RAB27B: variants seen among roughly 807,000 people sequenced by gnomAD.
The protein encoded by RAB27B is ras-related protein Rab-27B.
A neutral mutation model predicts 24.6 loss-of-function variants in RAB27B; 15 were observed. That is an observed-to-expected ratio of 0.61 (90% confidence interval 0.41 to 0.94). RAB27B has a LOEUF of 0.94. Ranked by LOEUF, RAB27B falls within the 40% of genes least tolerant of loss-of-function variation. The pLI, the probability that RAB27B is intolerant of heterozygous loss-of-function variation, is 0.00. For synonymous variants in RAB27B, 105 were observed against 92.5 expected (o/e 1.14, Z -0.78); for missense variants, 261 against 266.8 (o/e 0.98, Z 0.15).
intron 1 of RAB27B, among the ~76,000 whole-genome samples, chr18:54,861,835 T>C (rs562021899): frequency 3.2e-4 from 48 of 152,312 alleles, no homozygotes; most frequent in Admixed American, 7.8e-4. Context: ...CCTGTCTTGG[T>C]GACTGATCTC....
chr18:54,799,684 C>CA (rs948617591), intron 2 of RAB27B, among the ~76,000 whole-genome samples: 4 of 124,942 alleles, frequency 3.2e-5, no homozygotes, highest in Non-Finnish European at 6.2e-5. Flanking sequence ...GGCTGGAGTG[C>CA]AGTGGCGTGA....
chr18:54,795,604 A>G (rs1217413928), intron 2 of RAB27B, among the ~76,000 whole-genome samples: 1 of 152,212 alleles, frequency 6.6e-6, no homozygotes, highest in Non-Finnish European at 1.5e-5. Flanking sequence ...GCTGGAAGTG[A>G]TGATCTAGTA....
intron 1 of RAB27B, among the ~76,000 whole-genome samples, chr18:54,829,071 T>G (rs758338400): frequency 6.6e-6 from 1 of 152,244 alleles, no homozygotes; most frequent in Non-Finnish European, 1.5e-5. Context: ...GATGATGATG[T>G]GCTCAGAGTT....
At chr18:54,886,263 G>A (rs1913131609) in intron 4 of RAB27B, among the ~76,000 whole-genome samples, 1 of 151,980 alleles carries the variant, frequency 6.6e-6, no homozygotes, top group Non-Finnish European at 1.5e-5. Context: ...ATGTATTTTT[G>A]GTTTACTTGT....
intron 2 of RAB27B, among the ~76,000 whole-genome samples, chr18:54,777,909 T>G (rs1408972973): frequency 6.6e-6 from 1 of 152,120 alleles, no homozygotes; most frequent in East Asian, 1.9e-4. Context: ...TGCTCTTAAT[T>G]TAGCTCTTAC....
intron 2 of RAB27B, among the ~76,000 whole-genome samples, chr18:54,809,353 G>GCTACCC (rs2145146349): frequency 6.6e-6 from 1 of 152,280 alleles, no homozygotes; most frequent in Non-Finnish European, 1.5e-5. Context: ...CTGAAGAGCT[G>GCTACCC]CTACCCCTAT....
chr18:54,752,684 G>T (rs537670274), intron 2 of RAB27B, among the ~76,000 whole-genome samples: 8 of 152,216 alleles, frequency 5.3e-5, no homozygotes, highest in Non-Finnish European at 8.8e-5. Context: ...AGGCAGCCTA[G>T]AAGTTTCTGT....
At chr18:54,831,109 G>A (rs1167257771) in intron 1 of RAB27B, among the ~76,000 whole-genome samples, 1 of 152,180 alleles carries the variant, frequency 6.6e-6, no homozygotes, top group African/African-American at 2.4e-5. Context: ...GTAGCAAGAA[G>A]TGCTCAGCAG....
At chr18:54,841,325 C>T (rs1018822429) in intron 1 of RAB27B, among the ~76,000 whole-genome samples, 2 of 151,968 alleles carry the variant, frequency 1.3e-5, no homozygotes, top group Non-Finnish European at 2.9e-5. Context: ...CTCATTATTC[C>T]CTAAACAATA....
At chr18:54,823,927 T>C (rs1910390076), upstream of RAB27B, among the ~76,000 whole-genome samples, 1 of 152,208 alleles carries the variant, frequency 6.6e-6, no homozygotes, top group Non-Finnish European at 1.5e-5. Context: ...GCAGATCGCC[T>C]CCTAAGCCCT....
intron 1 of RAB27B, among the ~76,000 whole-genome samples, chr18:54,832,320 A>T (rs1422393623): frequency 2.0e-5 from 3 of 152,196 alleles, no homozygotes; most frequent in Admixed American, 6.5e-5. Flanking sequence ...GAACCAAATG[A>T]TCAACAGGAT....
chr18:54,873,320 G>A (rs527852819), intron 1 of RAB27B, among the ~76,000 whole-genome samples: 1 of 152,108 alleles, frequency 6.6e-6, no homozygotes, highest in African/African-American at 2.4e-5. Context: ...TGAAGGGCTT[G>A]TCTGTATCTA....
At chr18:54,881,677 T>C (rs569965917) in intron 3 of RAB27B, among the ~76,000 whole-genome samples, 1 of 152,218 alleles carries the variant, frequency 6.6e-6, no homozygotes, top group Non-Finnish European at 1.5e-5. Flanking sequence ...ATAGACAGAA[T>C]GAGATGGGTG....
chr18:54,856,708 G>T (rs1262282796), intron 1 of RAB27B, among the ~76,000 whole-genome samples: 1 of 152,208 alleles, frequency 6.6e-6, no homozygotes, highest in Non-Finnish European at 1.5e-5. Flanking sequence ...CAGTGGTCTT[G>T]CTGGAGAGAG....
chr18:54,762,739 G>A (rs1030449016), intron 2 of RAB27B, among the ~76,000 whole-genome samples: 2 of 151,932 alleles, frequency 1.3e-5, no homozygotes, highest in South Asian at 2.1e-4. Context: ...CCAACACACC[G>A]GGCCCCACTC....
chr18:54,749,479 A>G (rs956102442), intron 2 of RAB27B, among the ~76,000 whole-genome samples: 2 of 152,096 alleles, frequency 1.3e-5, no homozygotes, highest in African/African-American at 2.4e-5. Flanking sequence ...CCTCAGCCAA[A>G]GGAGTTTTGG....
At chr18:54,796,719 G>A (rs1909432654) in intron 2 of RAB27B, among the ~76,000 whole-genome samples, 1 of 152,150 alleles carries the variant, frequency 6.6e-6, no homozygotes, top group African/African-American at 2.4e-5. Flanking sequence ...AGGATATGAG[G>A]GCATGGAAGG....
chr18:54,894,031 T>A lies in RAB27B; in HGVS notation c.*4618T>A, dbSNP rs1248803602. 6.6e-6 allele frequency: 1 copy of A among 151,990 alleles called. No individual in the cohort carries two copies. The highest frequency in any genetic ancestry group is 6.6e-5 in the Admixed American group (1 of 15,228). 9.4% of individuals were successfully genotyped at this position (151,990 alleles called of 1,614,324 possible). ...AAATGTGATACACTTAGAGACATTT[T>A]GTTTATTGCATATAAATCTAATTTT... is the stretch of plus-strand genomic sequence containing the variant. On this transcript the variant is annotated 3_prime_UTR_variant, in exon 6 of 6. Transcript: ENST00000262094.
At chr18:54,844,464 G>C (rs1471374016) in intron 1 of RAB27B, among the ~76,000 whole-genome samples, 1 of 141,598 alleles carries the variant, frequency 7.1e-6, no homozygotes, top group East Asian at 2.0e-4. Context: ...GAGTGCAGTG[G>C]CACCATCTCG....
Sources: allele counts gnomAD v4.1 joint callset (sites outside exome capture counted in the v4.1 genomes callset), GRCh38; gene constraint gnomAD v4.1.1; transcripts MANE v1.5; gene names NCBI Gene and HGNC (gene_info 2026-07-23, HGNC 2026-07-21).